Variants in PTPRD observed in about 807,000 individuals in gnomAD.
The protein encoded by PTPRD is protein tyrosine phosphatase receptor type D, also known as receptor-type tyrosine-protein phosphatase delta.
PTPRD carries 34 observed loss-of-function variants against 214.5 expected under a neutral mutation model. The observed-to-expected ratio is 0.16, with a 90% CI of 0.12 to 0.21. The LOEUF is 0.21. Ranked by LOEUF, PTPRD falls within the 10% of genes least tolerant of loss-of-function variation. PTPRD has a pLI of 1.00. For synonymous variants in PTPRD, 1,128 were observed against 845.7 expected (o/e 1.33, Z -5.79); for missense variants, 2,545 against 2,398.7 (o/e 1.06, Z -1.27).
chr9:10,106,168 T>G (rs1433725311), intron 3 of PTPRD, among the ~76,000 whole-genome samples: 3 of 151,810 alleles, frequency 2.0e-5, no homozygotes, highest in African/African-American at 7.2e-5. Context: ...CCACAGATCT[T>G]TTAACAAGTT....
intron 9 of PTPRD, among the ~76,000 whole-genome samples, chr9:9,279,550 GT>G (rs1569567022): frequency 6.7e-6 from 1 of 149,956 alleles, no homozygotes; most frequent in Non-Finnish European, 1.5e-5. Flanking sequence ...TTTAAATTTC[GT>G]TTTTGTAAAA....
chr9:8,491,572 A>AT (rs1368594949), intron 27 of PTPRD, among the ~76,000 whole-genome samples: 15 of 151,854 alleles, frequency 9.9e-5, no homozygotes, highest in Non-Finnish European at 2.1e-4. Context: ...CTGGATCCAC[A>AT]GCCAGATAGT....
At position 9,281,500 on chromosome 9, in the gene PTPRD, T is replaced by G. The variant is rs184221040; in HGVS notation, c.-202-98137A>C. On this transcript the variant is annotated intron_variant, in intron 9 of 45. Coordinates refer to ENST00000381196, the MANE Select transcript of PTPRD (RefSeq NM_002839.4). ...GCTAATAGATATATGAAAAATCTTT[T>G]AACATCATAGGTCCTTAGGAAATTG... Among the ~76,000 whole-genome samples, 14 of 151,480 alleles carry G rather than the reference T, an allele frequency of 9.2e-5. No homozygotes were observed. In the East Asian group the frequency reaches 2.7e-3, roughly 30 times the overall value.
chr9:8,779,279 C>T (rs1042375968), intron 11 of PTPRD, among the ~76,000 whole-genome samples: 2 of 152,146 alleles, frequency 1.3e-5, no homozygotes, highest in African/African-American at 2.4e-5. Context: ...CTTTCCAGTT[C>T]TTTTCTTTTT....
intron 8 of PTPRD, among the ~76,000 whole-genome samples, chr9:9,402,062 A>G (rs987866024): frequency 6.6e-6 from 1 of 152,108 alleles, no homozygotes; most frequent in African/African-American, 2.4e-5. Context: ...TACAGGGCAA[A>G]CATAAAAATA....
chr9:9,581,573 GATAA>G (rs2090779754), intron 7 of PTPRD, among the ~76,000 whole-genome samples: 1 of 151,902 alleles, frequency 6.6e-6, no homozygotes, highest in Non-Finnish European at 1.5e-5. Context: ...ATAAACTCTC[GATAA>G]ATAATCAATG....
chr9:9,832,533 G>T (rs1297611489), intron 5 of PTPRD, among the ~76,000 whole-genome samples: 1 of 151,824 alleles, frequency 6.6e-6, no homozygotes, highest in African/African-American at 2.4e-5. Flanking sequence ...TCCCTCATCC[G>T]ACAAAAATGT....
At chr9:8,610,339 T>C (rs973871186) in intron 14 of PTPRD, among the ~76,000 whole-genome samples, 3 of 152,150 alleles carry the variant, frequency 2.0e-5, no homozygotes, top group African/African-American at 7.2e-5. Context: ...CTATTATCAA[T>C]TTCAGTATTC....
intron 5 of PTPRD, among the ~76,000 whole-genome samples, chr9:9,816,449 T>C (rs2048799700): frequency 6.6e-6 from 1 of 152,046 alleles, no homozygotes; most frequent in Non-Finnish European, 1.5e-5. Flanking sequence ...CTAAAGTGCT[T>C]TGGTACATTT....
intron 11 of PTPRD, among the ~76,000 whole-genome samples, chr9:8,813,874 G>A (rs926998265): frequency 6.6e-6 from 1 of 152,232 alleles, no homozygotes; most frequent in Non-Finnish European, 1.5e-5. Flanking sequence ...CATCGTCTGA[G>A]AAGTCTTCTT....
At chr9:9,167,251 T>C (rs996976659) in intron 10 of PTPRD, among the ~76,000 whole-genome samples, 1 of 152,052 alleles carries the variant, frequency 6.6e-6, no homozygotes, top group African/African-American at 2.4e-5. Context: ...TGCTCTTCCA[T>C]TTCTTAACAC....
At chr9:8,786,259 C>A (rs1365983041) in intron 11 of PTPRD, among the ~76,000 whole-genome samples, 2 of 152,082 alleles carry the variant, frequency 1.3e-5, no homozygotes, top group Admixed American at 6.6e-5. Context: ...ACAGTCAACA[C>A]TGAAATTGTT....
chr9:9,440,323 T>C (rs1251944430), intron 8 of PTPRD, among the ~76,000 whole-genome samples: 1 of 152,242 alleles, frequency 6.6e-6, no homozygotes, highest in African/African-American at 2.4e-5. Context: ...TTTGTCCATT[T>C]GCTTTGTCGT....
intron 3 of PTPRD, among the ~76,000 whole-genome samples, chr9:10,264,379 G>A (rs550953224): frequency 5.9e-5 from 9 of 152,288 alleles, no homozygotes; most frequent in South Asian, 2.1e-4. Context: ...CAGCCACAGG[G>A]TTGGAGCTGC....
intron 6 of PTPRD, among the ~76,000 whole-genome samples, chr9:9,760,599 TACACACACACAC>T (rs146209140): frequency 0.042 from 4,516 of 107,862 alleles, 214 homozygotes; most frequent in African/African-American, 0.12. Flanking sequence ...TCAGCTATCA[TACACACACACAC>T]ACACACACAC....
At chr9:9,282,019 C>A (rs775729461) in intron 9 of PTPRD, among the ~76,000 whole-genome samples, 1 of 151,206 alleles carries the variant, frequency 6.6e-6, no homozygotes, top group African/African-American at 2.4e-5. Context: ...AAGCTACATC[C>A]TGAATTATTC....
rs1259710295 is a variant in PTPRD, at chr9:9,550,393, ATATATGAAATGTATAATTT to A, written c.-237+24320_-237+24338del. Reference sequence around the variant, plus strand: ...CATATACATATAGTTCTCTCTCTATATATATGAAATGTATAATTTTATATATAAAATTATATATTAATGT... The same window carrying A: ...CATATACATATAGTTCTCTCTCTATATATATATAAAATTATATATTAATGT... On this transcript the variant is annotated intron_variant, in intron 8 of 45. Coordinates refer to ENST00000381196, the MANE Select transcript of PTPRD (RefSeq NM_002839.4). 5.3e-3 allele frequency among the ~76,000 whole-genome samples: 649 copies of A among 122,520 alleles called. 5 individuals are homozygous for A. The highest frequency in any genetic ancestry group is 7.7e-3 in the Non-Finnish European group (395 of 51,536). The allele number at this position is 122,520 out of a possible 152,430, so 80.4% of individuals were successfully genotyped here.
intron 8 of PTPRD, among the ~76,000 whole-genome samples, chr9:9,439,177 A>G (rs907861000): frequency 7.7e-6 from 1 of 130,504 alleles, no homozygotes; most frequent in Admixed American, 7.8e-5. Flanking sequence ...AATAAACAAG[A>G]TCTGTTAATA....
chr9:8,971,507 T>C (rs1010952272), intron 11 of PTPRD, among the ~76,000 whole-genome samples: 1 of 151,710 alleles, frequency 6.6e-6, no homozygotes, highest in African/African-American at 2.4e-5. Context: ...CACAAAGTTA[T>C]TGTGAATATT....
Sources: allele counts gnomAD v4.1 joint callset (sites outside exome capture counted in the v4.1 genomes callset), GRCh38; gene constraint gnomAD v4.1.1; transcripts MANE v1.5; gene names NCBI Gene and HGNC (gene_info 2026-07-23, HGNC 2026-07-21).